The following PCDHAC2 variants were observed in gnomAD, a reference collection of about 807,000 sequenced individuals.
PCDHAC2 encodes protocadherin alpha subfamily C, 2.
A neutral mutation model predicts 63.3 loss-of-function variants in PCDHAC2; 24 were observed. The ratio of observed to expected loss-of-function variants is 0.38; its 90% CI spans 0.27 to 0.53. The LOEUF (loss-of-function observed/expected upper bound fraction) is 0.53, where lower values mean the gene tolerates loss of function less well. Among genes scored for constraint, PCDHAC2 ranks in the 20% least tolerant of loss-of-function variants. The probability of loss-of-function intolerance (pLI) is 0.81; values close to 1 mark genes in which losing one functional copy is unlikely to be tolerated. For synonymous variants in PCDHAC2, 569 were observed against 529.4 expected (o/e 1.07, Z -1.03); for missense variants, 1,181 against 1,275.2 (o/e 0.93, Z 1.12).
intron 1 of PCDHAC2, among the ~76,000 whole-genome samples, chr5:140,973,646 A>C (rs1413605589): frequency 1.3e-5 from 2 of 152,216 alleles, no homozygotes; most frequent in African/African-American, 4.8e-5. Flanking sequence ...TTCTGACTGA[A>C]GAAGAAATCT....
chr5:140,978,061 A>G (rs1307101965), intron 1 of PCDHAC2, among the ~76,000 whole-genome samples: 1 of 152,202 alleles, frequency 6.6e-6, no homozygotes, highest in Non-Finnish European at 1.5e-5. Flanking sequence ...ATGATGTCCC[A>G]GTGATTTCTG....
chr5:140,987,040 C>G (rs916995346), intron 3 of PCDHAC2, among the ~76,000 whole-genome samples: 1 of 151,880 alleles, frequency 6.6e-6, no homozygotes, highest in Non-Finnish European at 1.5e-5. Flanking sequence ...ATGGCGAAAC[C>G]CCATCTCTAC....
At chr5:140,969,606 C>T (rs2096345912) in intron 1 of PCDHAC2, 1 of 758,598 alleles carries the variant, frequency 1.3e-6, no homozygotes, top group South Asian at 2.1e-5. Context: ...AATGCTAAAA[C>T]ACAGATTTGT....
At chr5:140,999,476 A>G (rs1209910607) in intron 3 of PCDHAC2, among the ~76,000 whole-genome samples, 6 of 152,124 alleles carry the variant, frequency 3.9e-5, no homozygotes, top group African/African-American at 1.2e-4. Flanking sequence ...GCAGATTCCA[A>G]CTCAAGTCTA....
chr5:140,970,872 T>C (rs2096439604), intron 1 of PCDHAC2, among the ~76,000 whole-genome samples: 3 of 152,158 alleles, frequency 2.0e-5, no homozygotes, highest in African/African-American at 7.2e-5. Flanking sequence ...TGATTGAGAG[T>C]AGATTTTTCT....
chr5:141,002,675 A>G (rs782045638), intron 3 of PCDHAC2, among the ~76,000 whole-genome samples: 5 of 152,222 alleles, frequency 3.3e-5, no homozygotes, highest in African/African-American at 4.8e-5. Context: ...ACCAAAACCT[A>G]TACGACGTGC....
intron 1 of PCDHAC2, among the ~76,000 whole-genome samples, chr5:140,971,595 A>G (rs1228003229): frequency 6.6e-6 from 1 of 152,110 alleles, no homozygotes; most frequent in African/African-American, 2.4e-5. Flanking sequence ...CCTAGTTACT[A>G]CAGATGGCAG....
chr5:140,975,848 T>C (rs1345383470), intron 1 of PCDHAC2, among the ~76,000 whole-genome samples: 1 of 152,234 alleles, frequency 6.6e-6, no homozygotes, highest in Non-Finnish European at 1.5e-5. Flanking sequence ...TCAGTAATAC[T>C]ACATCACCCA....
At chr5:140,970,366 A>G (rs1438755786) in intron 1 of PCDHAC2, among the ~76,000 whole-genome samples, 2 of 152,196 alleles carry the variant, frequency 1.3e-5, no homozygotes, top group Admixed American at 1.3e-4. Context: ...TTGATTTGCT[A>G]TAGCTTCAAA....
rs1166002941 is a variant in PCDHAC2 at position 141,000,351 on chromosome 5, G to A, written c.2714-9276G>A. ...ACAGCAAGGCCCTATCTCTCTCTCT[G>A]TCTCTCTCTGTCTCTCTCTCTCTCT... On this transcript the variant is annotated intron_variant, in intron 3 of 3. Transcript: ENST00000289269. Among the ~76,000 whole-genome samples the A allele has an allele frequency of 6.0e-5, 4 of 66,852 alleles. No homozygotes were observed. The Admixed American group carries it at 6.5e-4, about 11-fold the overall frequency. 43.9% of individuals were successfully genotyped at this position (66,852 alleles called of 152,430 possible).
At chr5:140,983,771 A>G (rs963720761) in intron 3 of PCDHAC2, among the ~76,000 whole-genome samples, 2 of 152,222 alleles carry the variant, frequency 1.3e-5, no homozygotes, top group Admixed American at 6.5e-5. Flanking sequence ...ATACATATCT[A>G]CATACATAAC....
Position 140,969,028 on chromosome 5 carries a change from A to G in PCDHAC2, c.2262A>G (p.Ala754=), listed in dbSNP as rs1554231371. 6.2e-7 allele frequency: 1 copy of G among 1,614,208 alleles called. No homozygotes were observed. The highest frequency in any genetic ancestry group is 8.5e-7 in the Non-Finnish European group (1 of 1,180,018). The change falls in exon 1 of 4, where the codon GCA becomes GCG. Residue 754 remains alanine, a synonymous_variant. Coordinates refer to ENST00000289269, the MANE Select transcript of PCDHAC2 (RefSeq NM_018899.6). ...GFCGVRERSP[A]ELYKQANNNI... ...GTGGAGTAAGGGAAAGGTCCCCTGC[A>G]GAACTGTACAAACAAGCCAACAACA... is the stretch of plus-strand genomic sequence containing the variant.
Position 141,010,180 on chromosome 5 carries a change from AC to A in PCDHAC2, c.*246del. The stretch of plus-strand genomic sequence containing the variant: ...CTTGTTTTCAGAACCTAAAAAGCAG[AC>A]CCAAGTTTCCTTTCTCCTCCGCCGC... On this transcript the variant is annotated 3_prime_UTR_variant, in exon 4 of 4. Coordinates refer to ENST00000289269, the MANE Select transcript of PCDHAC2 (RefSeq NM_018899.6). 2 of 1,554,710 alleles carry A rather than the reference AC, an allele frequency of 1.3e-6. No individual in the cohort carries two copies. The highest frequency in any genetic ancestry group is 1.7e-6 in the Non-Finnish European group (2 of 1,148,310).
chr5:140,976,689 T>TTTGCA (rs1280133734), intron 1 of PCDHAC2, among the ~76,000 whole-genome samples: 2 of 152,232 alleles, frequency 1.3e-5, no homozygotes, highest in East Asian at 3.8e-4. Context: ...GCAATTTAAG[T>TTTGCA]ACAATAATGT....
chr5:140,980,085 T>C (rs1294414077), intron 2 of PCDHAC2, among the ~76,000 whole-genome samples: 1 of 152,242 alleles, frequency 6.6e-6, no homozygotes, highest in Non-Finnish European at 1.5e-5. Context: ...AGATTAGTAG[T>C]TGGCTTGGTA....
chr5:141,004,369 C>T (rs1239142670), intron 3 of PCDHAC2, among the ~76,000 whole-genome samples: 1 of 152,324 alleles, frequency 6.6e-6, no homozygotes, highest in South Asian at 2.1e-4. Context: ...ACACCTTGTT[C>T]TGCTCTGCGG....
chr5:140,968,653 C>T lies in PCDHAC2; in HGVS notation c.1887C>T (p.Asp629=), dbSNP rs1301566656. The change falls in exon 1 of 4, where the codon GAC becomes GAT. Residue 629 remains aspartate, a synonymous_variant. Transcript: ENST00000289269. ...WLFYHLAQTS[D]LDLFKVELHT... ...TTTACCATCTAGCCCAGACTTCTGA[C>T]CTGGACCTCTTTAAGGTAGAGCTGC... is the stretch of plus-strand genomic sequence containing the variant. The T allele has an allele frequency of 6.2e-7, 1 of 1,614,150 alleles. No homozygotes were observed. Among genetic ancestry groups the T allele is most frequent in the Non-Finnish European group, 8.5e-7 (1 of 1,180,028 alleles).
At chr5:140,989,851 G>C (rs1247481417) in intron 3 of PCDHAC2, among the ~76,000 whole-genome samples, 1 of 152,106 alleles carries the variant, frequency 6.6e-6, no homozygotes, top group Non-Finnish European at 1.5e-5. Context: ...TGTGTGGACT[G>C]GAGAGGAATC....
chr5:140,978,196 T>C (rs1043778941), intron 1 of PCDHAC2, among the ~76,000 whole-genome samples: 1 of 152,190 alleles, frequency 6.6e-6, no homozygotes. Flanking sequence ...ATCTTTTCAA[T>C]ACACAACTAA....
Sources: gnomAD v4.1 joint callset for allele counts (sites outside exome capture counted in the v4.1 genomes callset) on GRCh38, gnomAD v4.1.1 for gene constraint, MANE v1.5 for transcripts, NCBI Gene and HGNC (gene_info 2026-07-23, HGNC 2026-07-21) for gene names.